ZNF532: variants seen among roughly 807,000 people sequenced by gnomAD.
The protein encoded by ZNF532 is zinc finger protein 532.
In ZNF532, 22 loss-of-function variants were observed where a neutral mutation model predicts 89.3. The observed-to-expected ratio is 0.25, with a 90% CI of 0.18 to 0.35. The LOEUF is 0.35. ZNF532 is among the 10% of genes least tolerant of loss of function. ZNF532 has a pLI of 1.00. For missense variants in ZNF532, 1,132 were observed against 1,643.4 expected, an observed-to-expected ratio of 0.69 and a Z score of 5.38; for synonymous variants, 606 against 649.6, an observed-to-expected ratio of 0.93 and a Z score of 1.02.
intron 2 of ZNF532, among the ~76,000 whole-genome samples, chr18:58,904,113 G>A (rs1323232907): frequency 1.3e-5 from 2 of 152,174 alleles, no homozygotes; most frequent in Non-Finnish European, 2.9e-5. Context: ...CACTTTGGGA[G>A]GCCGAGGCAG....
intron 7 of ZNF532, among the ~76,000 whole-genome samples, chr18:58,954,984 G>A (rs1022350308): frequency 6.6e-6 from 1 of 152,136 alleles, no homozygotes; most frequent in African/African-American, 2.4e-5. Flanking sequence ...CAAAGTGCTG[G>A]ATTACAGGCG....
In ZNF532 at chr18:58,919,359, A is replaced by G. The variant is rs2060854989; in HGVS notation, c.1072A>G (p.Ile358Val). The change falls in exon 3 of 10, where the codon ATC (isoleucine) becomes GTC (valine). Residue 358 changes from isoleucine (I) to valine (V), a missense_variant. Physicochemically the swap from Ile to Val is conservative, Grantham distance 29. Around this residue, in one of 9 missense-constraint regions of ZNF532, gnomAD observed 124 missense variants for 191.6 expected, o/e 0.65. Coordinates refer to ENST00000591808, the MANE Select transcript of ZNF532 (RefSeq NM_001375912.1). The surrounding 1 kb of genome is among the most constrained non-coding windows in gnomAD (Gnocchi z 6.1). ...PSSPAGSTPA[I>V]PKVRIKTIKT... ...CTCTCCCGCAGGGTCCACACCAGCAATCCCCAAAGTCCGCATAAAAACCAT... is the reference window on the plus strand; with the variant it reads ...CTCTCCCGCAGGGTCCACACCAGCAGTCCCCAAAGTCCGCATAAAAACCAT... 6.2e-7 allele frequency: 1 copy of G among 1,614,186 alleles called. No individual in the cohort carries two copies. Among genetic ancestry groups the G allele is most frequent in the Non-Finnish European group, 8.5e-7 (1 of 1,180,030 alleles).
chr18:58,978,831 A>G (rs2067363619), intron 7 of ZNF532, among the ~76,000 whole-genome samples: 1 of 152,144 alleles, frequency 6.6e-6, no homozygotes, highest in Non-Finnish European at 1.5e-5. Flanking sequence ...GCTTGAAGGG[A>G]CTTTTATAAA....
At chr18:58,923,918 A>G (rs888616553) in intron 3 of ZNF532, among the ~76,000 whole-genome samples, 2 of 151,878 alleles carry the variant, frequency 1.3e-5, no homozygotes, top group South Asian at 2.1e-4. Context: ...GTGCAGTGGC[A>G]TGATCTCGGC....
At chr18:58,871,070 G>A (rs760063371) in intron 2 of ZNF532, among the ~76,000 whole-genome samples, 2 of 152,056 alleles carry the variant, frequency 1.3e-5, no homozygotes, top group East Asian at 3.9e-4. Context: ...AGTGGCTTAC[G>A]TAGTAAAAAC....
At chr18:58,972,419 A>G (rs189814876) in intron 7 of ZNF532, among the ~76,000 whole-genome samples, 1 of 152,298 alleles carries the variant, frequency 6.6e-6, no homozygotes, top group African/African-American at 2.4e-5. Context: ...TCTCTTTTAC[A>G]TTGTGCAATA....
upstream of ZNF532, chr18:58,864,158 C>T (rs901403055): frequency 3.9e-5 from 6 of 152,562 alleles, no homozygotes; most frequent in Non-Finnish European, 8.8e-5. Flanking sequence ...CCCGCCCCCT[C>T]CCCAGACAGC....
At chr18:58,881,843 T>A (rs1207095954) in intron 2 of ZNF532, among the ~76,000 whole-genome samples, 2 of 152,264 alleles carry the variant, frequency 1.3e-5, no homozygotes, top group Non-Finnish European at 2.9e-5. Flanking sequence ...AGAGATCTTG[T>A]GCTGCTTTTA....
chr18:58,901,383 C>T (rs2059591767), intron 2 of ZNF532, among the ~76,000 whole-genome samples: 1 of 152,206 alleles, frequency 6.6e-6, no homozygotes, highest in Non-Finnish European at 1.5e-5. Context: ...CTGCGCTCGG[C>T]CTCTGGCAGT....
At chr18:58,906,218 ATC>A (rs2059929259) in intron 2 of ZNF532, among the ~76,000 whole-genome samples, 5 of 152,228 alleles carry the variant, frequency 3.3e-5, no homozygotes, top group African/African-American at 1.2e-4. Flanking sequence ...AGGGTGGGGC[ATC>A]TACATAAATT....
At chr18:58,924,099 C>T (rs1330021865) in intron 3 of ZNF532, among the ~76,000 whole-genome samples, 1 of 152,222 alleles carries the variant, frequency 6.6e-6, no homozygotes, top group African/African-American at 2.4e-5. Context: ...TCAAGTGATC[C>T]ACCCGCCTTG....
chr18:58,923,767 CAT>C (rs2146203311), intron 3 of ZNF532, among the ~76,000 whole-genome samples: 1 of 152,340 alleles, frequency 6.6e-6, no homozygotes, highest in South Asian at 2.1e-4. Flanking sequence ...TTAAAACACA[CAT>C]GACTGCTTAC....
chr18:58,916,471 C>T (rs767239181), intron 2 of ZNF532, among the ~76,000 whole-genome samples: 2 of 152,042 alleles, frequency 1.3e-5, no homozygotes, highest in South Asian at 2.1e-4. Flanking sequence ...TAGCTTGGTG[C>T]TGGGGGTATG....
At chr18:58,931,322 G>A (rs1202210251) in intron 3 of ZNF532, among the ~76,000 whole-genome samples, 1 of 152,140 alleles carries the variant, frequency 6.6e-6, no homozygotes, top group Non-Finnish European at 1.5e-5. Flanking sequence ...AAAAAAGTAA[G>A]GAAAGTCAGT....
intron 2 of ZNF532, among the ~76,000 whole-genome samples, chr18:58,904,968 A>C (rs775603457): frequency 2.0e-5 from 3 of 151,610 alleles, no homozygotes; most frequent in Non-Finnish European, 2.9e-5. Context: ...CAGCCTCCCG[A>C]GTAGCTGAGA....
chr18:58,876,242 G>A (rs1461036394), intron 2 of ZNF532, among the ~76,000 whole-genome samples: 2 of 152,040 alleles, frequency 1.3e-5, no homozygotes, highest in East Asian at 3.9e-4. Flanking sequence ...CCTCACTTGG[G>A]GATCTTGTTA....
intron 7 of ZNF532, among the ~76,000 whole-genome samples, chr18:58,975,630 T>C (rs1328203527): frequency 1.3e-5 from 2 of 152,224 alleles, no homozygotes; most frequent in Non-Finnish European, 2.9e-5. Flanking sequence ...GGAGGCGGGA[T>C]TAATGCTTTC....
At chr18:58,879,421 G>A (rs2057705582) in intron 2 of ZNF532, among the ~76,000 whole-genome samples, 1 of 152,036 alleles carries the variant, frequency 6.6e-6, no homozygotes, top group African/African-American at 2.4e-5. Context: ...TTTTTGAGAG[G>A]GAGTCTCGCT....
chr18:58,893,849 T>A (rs1050743244), intron 2 of ZNF532, among the ~76,000 whole-genome samples: 1 of 152,156 alleles, frequency 6.6e-6, no homozygotes. Flanking sequence ...GAGCAGTGGT[T>A]ACATGGGGGT....
Sources: allele counts gnomAD v4.1 joint callset (sites outside exome capture counted in the v4.1 genomes callset), GRCh38; gene constraint gnomAD v4.1.1; regional missense constraint gnomAD v4.1.1; non-coding constraint Gnocchi (gnomAD v3.1); transcripts MANE v1.5; gene names NCBI Gene and HGNC (gene_info 2026-07-23, HGNC 2026-07-21).